The following PRKCE variants were observed in gnomAD, a reference collection of about 807,000 sequenced individuals.
The protein encoded by PRKCE is protein kinase C epsilon.
PRKCE carries 16 observed loss-of-function variants against 85.4 expected under a neutral mutation model. That is an observed-to-expected ratio of 0.19 (90% CI 0.13 to 0.28). PRKCE has a LOEUF of 0.28. PRKCE is among the 10% of genes least tolerant of loss of function. The pLI is 1.00. For missense variants in PRKCE, 573 were observed against 975.2 expected (o/e 0.59, Z 5.49); for synonymous variants, 388 against 371.5 (o/e 1.04, Z -0.51).
intron 2 of PRKCE, among the ~76,000 whole-genome samples, chr2:45,903,741 T>C (rs1035862115): frequency 1.3e-5 from 2 of 152,188 alleles, no homozygotes; most frequent in African/African-American, 4.8e-5. Flanking sequence ...CAGTGAGGAA[T>C]GATTCCAAGT....
intron 2 of PRKCE, among the ~76,000 whole-genome samples, chr2:45,848,411 A>G (rs1573595407): frequency 1.3e-5 from 2 of 152,146 alleles, no homozygotes; most frequent in South Asian, 2.1e-4. Flanking sequence ...CCTGGGTTCA[A>G]GTGATTATCC....
intron 11 of PRKCE, among the ~76,000 whole-genome samples, chr2:46,090,384 C>G (rs563688894): frequency 3.3e-5 from 5 of 152,130 alleles, no homozygotes; most frequent in Non-Finnish European, 5.9e-5. Context: ...ACATGACAGT[C>G]TCTTTATTGT....
rs565271490 is a variant in PRKCE, at chr2:45,843,526, C to T, written c.412+463C>T. ...GTTCTTTACACAGACAAAAGCTCTG[C>T]TCTTAAAGAGAAATAATGGGGTGAG... On this transcript the variant is annotated intron_variant, in intron 2 of 14. Coordinates refer to ENST00000306156, the MANE Select transcript of PRKCE (RefSeq NM_005400.3). Among the ~76,000 whole-genome samples, 6 of 152,346 alleles carry T rather than the reference C, an allele frequency of 3.9e-5. No individual in the cohort carries two copies. The East Asian group carries it at 1.2e-3, about 29-fold the overall frequency.
intron 1 of PRKCE, among the ~76,000 whole-genome samples, chr2:45,746,694 T>C (rs759590560): frequency 1.3e-5 from 2 of 152,218 alleles, no homozygotes; most frequent in Non-Finnish European, 2.9e-5. Context: ...CAGCATCCCA[T>C]GGACATTATA....
chr2:46,092,309 G>A lies in PRKCE; in HGVS notation c.1592+5947G>A, dbSNP rs572715509. ...TCTTTATCCACCAGCAGAGAAAGATGTAAGTTATAGACTCTTCCTCCTTAG... is the reference window on the plus strand; with the variant it reads ...TCTTTATCCACCAGCAGAGAAAGATATAAGTTATAGACTCTTCCTCCTTAG... On this transcript the variant is annotated intron_variant, in intron 11 of 14. Coordinates refer to ENST00000306156, the MANE Select transcript of PRKCE (RefSeq NM_005400.3). 1.5e-4 allele frequency among the ~76,000 whole-genome samples: 23 copies of A among 152,312 alleles called. No individual in the cohort carries two copies. In the South Asian group the frequency reaches 4.8e-3, roughly 32 times the overall value.
At chr2:46,053,453 G>A (rs1233385188) in intron 10 of PRKCE, among the ~76,000 whole-genome samples, 7 of 152,066 alleles carry the variant, frequency 4.6e-5, no homozygotes, top group East Asian at 1.9e-4. Flanking sequence ...TCCATAACGC[G>A]TTTCATCTTG....
intron 7 of PRKCE, among the ~76,000 whole-genome samples, chr2:46,003,394 G>A (rs1175671769): frequency 6.6e-6 from 1 of 152,230 alleles, no homozygotes; most frequent in East Asian, 1.9e-4. Context: ...GGATATGCCA[G>A]CATCTATGCG....
In PRKCE at chr2:45,806,082, G is replaced by C. The variant is rs528478704; in HGVS notation, c.349-36918G>C. On this transcript the variant is annotated intron_variant, in intron 1 of 14. Coordinates refer to ENST00000306156, the MANE Select transcript of PRKCE (RefSeq NM_005400.3). ...GAATGAGCTCCAGGATTTTGATGCA[G>C]AGTTTTAGTTGCCTGGGATATTGGA... is the stretch of plus-strand genomic sequence containing the variant. Among the ~76,000 whole-genome samples the C allele has an allele frequency of 2.8e-4, 42 of 152,324 alleles. No individual in the cohort carries two copies. The South Asian group carries it at 5.2e-3, about 19-fold the overall frequency.
In PRKCE at chr2:45,652,048, T is replaced by C. The variant is rs2103663243; in HGVS notation, c.-53T>C. Reference sequence around the variant, plus strand: ...GAGTGCCGGGCCGTCGGTTCTTCATTCCTGCCCTCGGGGCAGACGGAGTGA... The same window carrying C: ...GAGTGCCGGGCCGTCGGTTCTTCATCCCTGCCCTCGGGGCAGACGGAGTGA... On this transcript the variant is annotated 5_prime_UTR_variant, in exon 1 of 15. Transcript: ENST00000306156. This position sits in a 1 kb window ranked among gnomAD's most constrained non-coding sequence, Gnocchi z 7.7. 7.1e-7 allele frequency: 1 copy of C among 1,418,060 alleles called. No homozygotes were observed. The highest frequency in any genetic ancestry group is 9.6e-7 in the Non-Finnish European group (1 of 1,045,022). 87.8% of individuals were successfully genotyped at this position (1,418,060 alleles called of 1,614,324 possible). A position where few individuals can be genotyped will look rare whatever the true frequency, so the allele number is the denominator to read the frequency against.
intron 1 of PRKCE, among the ~76,000 whole-genome samples, chr2:45,741,472 T>A (rs1233886476): frequency 1.4e-5 from 2 of 139,616 alleles, no homozygotes; most frequent in Non-Finnish European, 3.2e-5. Context: ...AGCACCAGAA[T>A]GGGGCCTGGC....
chr2:46,055,095 C>T (rs879306717), intron 10 of PRKCE, among the ~76,000 whole-genome samples: 2 of 152,222 alleles, frequency 1.3e-5, no homozygotes, highest in African/African-American at 4.8e-5. Flanking sequence ...AATACAAGTG[C>T]CAGGTATGCA....
intron 11 of PRKCE, among the ~76,000 whole-genome samples, chr2:46,132,277 A>T (rs147372160): frequency 1.7e-3 from 261 of 152,132 alleles, no homozygotes; most frequent in African/African-American, 6.0e-3. Flanking sequence ...ACTGTATGTG[A>T]TCCTTTTCTC....
intron 11 of PRKCE, among the ~76,000 whole-genome samples, chr2:46,090,907 A>T (rs1030239106): frequency 1.1e-4 from 16 of 152,242 alleles, no homozygotes; most frequent in African/African-American, 3.9e-4. Flanking sequence ...TTAGGAGGAC[A>T]AGTGTCATTG....
In PRKCE at chr2:46,187,285, T is replaced by C. The variant is rs1680514292; in HGVS notation, c.*2404T>C. ...GTTTGCTGGGAAGTCAAATAATACA[T>C]TCCACCTGGCAGCTGAAGGCAGCCA... On this transcript the variant is annotated 3_prime_UTR_variant, in exon 15 of 15. Transcript: ENST00000306156. The C allele has an allele frequency of 6.6e-6, 1 of 152,372 alleles. No homozygotes were observed. Among genetic ancestry groups the C allele is most frequent in the Non-Finnish European group, 1.5e-5 (1 of 68,028 alleles). The allele number at this position is 152,372 out of a possible 1,614,324, so 9.4% of individuals were successfully genotyped here. A position where few individuals can be genotyped will look rare whatever the true frequency, so the allele number is the denominator to read the frequency against.
chr2:46,008,444 C>G (rs781488887), intron 9 of PRKCE, among the ~76,000 whole-genome samples: 1 of 152,216 alleles, frequency 6.6e-6, no homozygotes, highest in Non-Finnish European at 1.5e-5. Flanking sequence ...CCTGAGATCT[C>G]TGATTGTTCC....
rs1011488606 is a variant in PRKCE at position 45,907,828 on chromosome 2, G to A, written c.412+64765G>A. Among the ~76,000 whole-genome samples the A allele has an allele frequency of 3.9e-5, 6 of 152,146 alleles. No homozygotes were observed. Among genetic ancestry groups the A allele is most frequent in the South Asian group, 2.1e-4 (1 of 4,830 alleles). On this transcript the variant is annotated intron_variant, in intron 2 of 14. Transcript: ENST00000306156. The surrounding 1 kb of genome is among the most constrained non-coding windows in gnomAD (Gnocchi z 4.5). ...GCAGTCCCTACTTCACAGCCTCACC[G>A]TGCCCATCCTCTGAGCTAATAATAC...
Position 45,652,013 on chromosome 2 carries a change from C to A in PRKCE, c.-88C>A, listed in dbSNP as rs1458564640. On this transcript the variant is annotated 5_prime_UTR_variant, in exon 1 of 15. The change creates a new upstream start codon in the 5' untranslated region. Coordinates refer to ENST00000306156, the MANE Select transcript of PRKCE (RefSeq NM_005400.3). The surrounding 1 kb of genome is among the most constrained non-coding windows in gnomAD (Gnocchi z 7.7). ...GGGGCGAAAGGGGACCCAAGAGTCC[C>A]TGTGGCTCGGAGTGCCGGGCCGTCG... 1.9e-6 allele frequency: 2 copies of A among 1,063,220 alleles called. No individual in the cohort carries two copies. Among genetic ancestry groups the A allele is most frequent in the African/African-American group, 1.6e-5 (1 of 62,622 alleles). 65.9% of individuals were successfully genotyped at this position (1,063,220 alleles called of 1,614,324 possible).
intron 10 of PRKCE, among the ~76,000 whole-genome samples, chr2:46,054,718 G>C (rs184267322): frequency 6.6e-6 from 1 of 152,100 alleles, no homozygotes; most frequent in Non-Finnish European, 1.5e-5. Flanking sequence ...GCCTAATACC[G>C]TGGCCCAAAG....
At chr2:45,985,682 A>C (rs1381643082) in intron 6 of PRKCE, among the ~76,000 whole-genome samples, 3 of 152,214 alleles carry the variant, frequency 2.0e-5, no homozygotes, top group Non-Finnish European at 4.4e-5. Context: ...GAATGACTTT[A>C]ATATATCAAG....
Sources: gnomAD v4.1 joint callset for allele counts (sites outside exome capture counted in the v4.1 genomes callset) on GRCh38, gnomAD v4.1.1 for gene constraint, Gnocchi (gnomAD v3.1) non-coding constraint, MANE v1.5 for transcripts, NCBI Gene and HGNC (gene_info 2026-07-23, HGNC 2026-07-21) for gene names.